LRP1: variants seen among roughly 807,000 people sequenced by gnomAD.
LRP1 encodes the protein prolow-density lipoprotein receptor-related protein 1.
In LRP1, 51 loss-of-function variants were observed where a neutral mutation model predicts 541.5. That is an observed-to-expected ratio of 0.09 (90% CI 0.08 to 0.12). The LOEUF (loss-of-function observed/expected upper bound fraction) is 0.12. LRP1 is among the 10% of genes least tolerant of loss of function. The pLI, the probability that LRP1 is intolerant of heterozygous loss-of-function variation, is 1.00. For synonymous variants in LRP1, 2,219 were observed against 2,470.8 expected (o/e 0.90, Z 3.02); for missense variants, 3,878 against 6,376.2 (o/e 0.61, Z 13.34).
intron 6 of LRP1, chr12:57,148,947 C>T (rs1592610180): frequency 5.1e-6 from 3 of 587,140 alleles, no homozygotes; most frequent in Admixed American, 2.9e-5. Context: ...CTTTTCCCTT[C>T]CTCTCCCTTT....
Position 57,128,814 on chromosome 12 carries a change from C to A in LRP1, c.-151C>A, listed in dbSNP as rs1592594173. 8 of 632,856 alleles carry A rather than the reference C, an allele frequency of 1.3e-5. No individual in the cohort carries two copies. The East Asian group carries it at 2.1e-4, about 16-fold the overall frequency. The allele number at this position is 632,856 out of a possible 1,614,324, so 39.2% of individuals were successfully genotyped here. A position where few individuals can be genotyped will look rare whatever the true frequency, so the allele number is the denominator to read the frequency against. ...GCTCGGAACTCTACCTCTTCACCCA[C>A]GCCCCTGGTGCGCTTTGCCGAAGGA... On this transcript the variant is annotated 5_prime_UTR_variant, in exon 1 of 89. Coordinates refer to ENST00000243077, the MANE Select transcript of LRP1 (RefSeq NM_002332.3).
At chr12:57,194,116 C>A in intron 48 of LRP1, 104 bp downstream of exon 48, 1 of 1,110,452 alleles carries the variant, frequency 9.0e-7, no homozygotes, top group African/African-American at 1.5e-5. Flanking sequence ...TCTCTGCCTT[C>A]CCTCATCCCC....
At position 57,213,050 on chromosome 12, in the gene LRP1, C is replaced by G. The variant is rs1428786757; in HGVS notation, c.*495C>G. The G allele has an allele frequency of 6.5e-6, 1 of 154,182 alleles. No individual in the cohort carries two copies. The highest frequency in any genetic ancestry group is 2.4e-5 in the African/African-American group (1 of 41,350). The allele number at this position is 154,182 out of a possible 1,614,324, so 9.6% of individuals were successfully genotyped here. On this transcript the variant is annotated 3_prime_UTR_variant, in exon 89 of 89. Transcript: ENST00000243077. Reference sequence around the variant, plus strand: ...GGAGTGTTTTAGTTCTTGGGGGAGGCCACCCCAAACCCCAGCCCCAACTCC... The same window carrying G: ...GGAGTGTTTTAGTTCTTGGGGGAGGGCACCCCAAACCCCAGCCCCAACTCC...
Position 57,194,560 on chromosome 12 carries a change from C to G in LRP1, c.8069-17C>G. 6.2e-7 allele frequency: 1 copy of G among 1,612,622 alleles called. No homozygotes were observed. Among genetic ancestry groups the G allele is most frequent in the Non-Finnish European group, 8.5e-7 (1 of 1,179,848 alleles). Reference sequence around the variant, plus strand: ...GCCTGCGGTGAGCAGGGCCCTCACACCTGCCTCGCCCCCCAGGTGTGAAAC... The same window carrying G: ...GCCTGCGGTGAGCAGGGCCCTCACAGCTGCCTCGCCCCCCAGGTGTGAAAC... On this transcript the variant is annotated splice_polypyrimidine_tract_variant and intron_variant, in intron 49 of 88. Coordinates refer to ENST00000243077, the MANE Select transcript of LRP1 (RefSeq NM_002332.3).
Position 57,173,767 on chromosome 12 carries a change from A to C in LRP1, c.3347-13A>C. 6.2e-7 allele frequency: 1 copy of C among 1,614,074 alleles called. No homozygotes were observed. The highest frequency in any genetic ancestry group is 8.5e-7 in the Non-Finnish European group (1 of 1,179,948). ...CCCCGGGCCTGGGCCCTCATAGTGC[A>C]CCTGTCCCTCAGCTCGGTGCATCAG... On this transcript the variant is annotated splice_polypyrimidine_tract_variant and intron_variant, in intron 21 of 88. Coordinates refer to ENST00000243077, the MANE Select transcript of LRP1 (RefSeq NM_002332.3). The surrounding 1 kb of genome is among the most constrained non-coding windows in gnomAD (Gnocchi z 4.7).
chr12:57,202,914 C>T, intron 68 of LRP1: 2 of 574,314 alleles, frequency 3.5e-6, no homozygotes, highest in Non-Finnish European at 6.2e-6. Flanking sequence ...CCGCTCCCCT[C>T]CCCAAACACA....
At chr12:57,208,979 G>A (rs1335393171) in intron 78 of LRP1, 104 bp from the exon 79 acceptor site, 2 of 1,084,778 alleles carry the variant, frequency 1.8e-6, no homozygotes, top group Non-Finnish European at 2.8e-6. Flanking sequence ...GACTGTGAGT[G>A]GCGTATGAAC....
chr12:57,174,881 G>A (rs918838574), intron 22 of LRP1, among the ~76,000 whole-genome samples: 7 of 152,206 alleles, frequency 4.6e-5, no homozygotes, highest in African/African-American at 1.7e-4. Flanking sequence ...GAGGAGCAGA[G>A]CAGCCTTATC....
In LRP1 at chr12:57,184,003, G is replaced by A; in HGVS notation, c.5930-82G>A. 6.2e-7 allele frequency: 1 copy of A among 1,602,416 alleles called. No homozygotes were observed. Among genetic ancestry groups the A allele is most frequent in the Non-Finnish European group, 8.5e-7 (1 of 1,172,992 alleles). ...GTTGGCGGGAGCAGGAAGAGGAGCT[G>A]TAGGGGTGCCTGGGAGCTTGGAGAC... is the stretch of plus-strand genomic sequence containing the variant. On this transcript the variant is annotated intron_variant, in intron 36 of 88. Coordinates refer to ENST00000243077, the MANE Select transcript of LRP1 (RefSeq NM_002332.3). The surrounding 1 kb of genome is among the most constrained non-coding windows in gnomAD (Gnocchi z 7.8).
intron 3 of LRP1, among the ~76,000 whole-genome samples, chr12:57,141,885 A>G (rs2035299501): frequency 1.3e-5 from 2 of 152,234 alleles, no homozygotes; most frequent in Admixed American, 6.5e-5. Context: ...GTGTGAACAC[A>G]GGGAGGAGCA....
chr12:57,212,825 A>C lies in LRP1; in HGVS notation c.*270A>C. On this transcript the variant is annotated 3_prime_UTR_variant, in exon 89 of 89. Coordinates refer to ENST00000243077, the MANE Select transcript of LRP1 (RefSeq NM_002332.3). The surrounding 1 kb of genome is among the most constrained non-coding windows in gnomAD (Gnocchi z 5.0). ...TTGGGGCTGCACCTCCTACCCTCCC[A>C]CCAGAACGCACCCCACTGGGAGAGC... The C allele has an allele frequency of 2.5e-6, 1 of 398,836 alleles. No individual in the cohort carries two copies. Among genetic ancestry groups the C allele is most frequent in the South Asian group, 3.4e-5 (1 of 29,100 alleles). The allele number at this position is 398,836 out of a possible 1,614,324, so 24.7% of individuals were successfully genotyped here. A position where few individuals can be genotyped will look rare whatever the true frequency, so the allele number is the denominator to read the frequency against.
intron 2 of LRP1, 49 bp downstream of exon 2, chr12:57,138,630 C>A (rs752063201): frequency 6.2e-7 from 1 of 1,602,194 alleles, no homozygotes; most frequent in Non-Finnish European, 8.5e-7. Flanking sequence ...ACTTATCCCT[C>A]TTCCTTTGGC....
intron 34 of LRP1, among the ~76,000 whole-genome samples, chr12:57,182,516 T>TAAAAA (rs530599434): frequency 8.8e-6 from 1 of 113,862 alleles, no homozygotes; most frequent in Non-Finnish European, 1.8e-5. Context: ...CCATCTCAAT[T>TAAAAA]AAAAAAAAAA....
In LRP1 at chr12:57,158,594, G is replaced by T; in HGVS notation, c.1754G>T (p.Arg585Leu). The part of the protein sequence containing the change: ...FADTTSYLIG[R>L]QKIDGTERET... ...GACACCACCAGCTACCTCATTGGCC[G>T]CCAGAAGATTGATGGCACTGAGCGG... Residue 585 changes from arginine to leucine, a missense_variant, in exon 11 of 89, where the codon CGC becomes CTC. Physicochemically the swap from Arg to Leu is moderately radical, Grantham distance 102 (BLOSUM62 -2). This residue lies in a region of LRP1 where 496 missense variants were observed against 861.0 expected (regional missense o/e 0.58). Coordinates refer to ENST00000243077, the MANE Select transcript of LRP1 (RefSeq NM_002332.3). This position sits in a 1 kb window ranked among gnomAD's most constrained non-coding sequence, Gnocchi z 5.3. 6.2e-7 allele frequency: 1 copy of T among 1,614,092 alleles called. No homozygotes were observed.
rs374676454 is a variant in LRP1, at chr12:57,193,313, C to A, written c.7684+9C>A. 128 of 1,608,498 alleles carry A rather than the reference C, an allele frequency of 8.0e-5. No homozygotes were observed. In the African/African-American group the frequency reaches 1.6e-3, roughly 20 times the overall value. On this transcript the variant is annotated intron_variant, in intron 46 of 88. Transcript: ENST00000243077. The stretch of plus-strand genomic sequence containing the variant: ...GAAGCCATCCTACTGCAGTAAGGAG[C>A]CCCCTGCAGCCCCTGCCTCTTCCAG...
chr12:57,194,765 C>T (rs1190891646), intron 50 of LRP1, 66 bp downstream of exon 50: 8 of 1,507,700 alleles, frequency 5.3e-6, no homozygotes, highest in Non-Finnish European at 7.1e-6. Flanking sequence ...TAGTCCCCCC[C>T]AGCAAATGCC....
rs747102518 is a variant in LRP1, at chr12:57,203,298, A to T, written c.10818+11A>T. 1.8e-5 allele frequency: 28 copies of T among 1,599,120 alleles called. No homozygotes were observed. Among genetic ancestry groups the T allele is most frequent in the Non-Finnish European group, 2.4e-5 (28 of 1,169,270 alleles). On this transcript the variant is annotated intron_variant, in intron 69 of 88. Transcript: ENST00000243077. ...GACGGCTCGGACGAGGTGGGCAGGG[A>T]GATGAGAAGGAAGCAGATGGCCTCA...
At chr12:57,143,274 C>A (rs894423934) in intron 3 of LRP1, among the ~76,000 whole-genome samples, 3 of 152,156 alleles carry the variant, frequency 2.0e-5, no homozygotes, top group African/African-American at 7.2e-5. Context: ...GATTCCATGC[C>A]CACTTTTCAG....
At position 57,158,681 on chromosome 12, in the gene LRP1, C is replaced by T. The variant is rs1204823681; in HGVS notation, c.1798+43C>T. On this transcript the variant is annotated intron_variant, in intron 11 of 88. Transcript: ENST00000243077. The surrounding 1 kb of genome is among the most constrained non-coding windows in gnomAD (Gnocchi z 5.3). Reference sequence around the variant, plus strand: ...TGTGGCCCATGGGGATGGAAGGGGGCTGGGGCCCAGGCATCTGTTTCTCGG... The same window carrying T: ...TGTGGCCCATGGGGATGGAAGGGGGTTGGGGCCCAGGCATCTGTTTCTCGG... The T allele has an allele frequency of 6.4e-7, 1 of 1,569,178 alleles. No individual in the cohort carries two copies. Among genetic ancestry groups the T allele is most frequent in the Admixed American group, 1.7e-5 (1 of 59,068 alleles).
Sources: gnomAD v4.1 joint callset for allele counts (sites outside exome capture counted in the v4.1 genomes callset) on GRCh38, gnomAD v4.1.1 for gene constraint, gnomAD v4.1.1 regional missense constraint, Gnocchi (gnomAD v3.1) non-coding constraint, MANE v1.5 for transcripts, NCBI Gene and HGNC (gene_info 2026-07-23, HGNC 2026-07-21) for gene names.